Variants in TET3 observed in about 807,000 individuals in gnomAD.
The protein encoded by TET3 is tet methylcytosine dioxygenase 3, also known as methylcytosine dioxygenase TET3.
A neutral mutation model predicts 141.4 loss-of-function variants in TET3; 19 were observed. That is an observed-to-expected ratio of 0.13 (90% CI 0.09 to 0.20). TET3 has a LOEUF of 0.20. Ranked by LOEUF, TET3 falls within the 10% of genes least tolerant of loss-of-function variation. The pLI is 1.00. For synonymous variants in TET3, 1,043 were observed against 980.9 expected, an observed-to-expected ratio of 1.06 and a Z score of -1.18; for missense variants, 1,874 against 2,356.9, an observed-to-expected ratio of 0.80 and a Z score of 4.24.
intron 6 of TET3, among the ~76,000 whole-genome samples, chr2:74,083,874 T>C (rs1456339153): frequency 6.6e-6 from 1 of 152,174 alleles, no homozygotes; most frequent in African/African-American, 2.4e-5. Context: ...TGTGATTGGC[T>C]GCGTTCCCCC....
At chr2:74,045,039 AAAAC>A (rs1200427394) in intron 3 of TET3, among the ~76,000 whole-genome samples, 3 of 152,352 alleles carry the variant, frequency 2.0e-5, no homozygotes, top group Middle Eastern at 6.8e-3. Context: ...AAAGTCAAGA[AAAAC>A]AATACAGGTA....
At chr2:74,127,002 G>T in the TET3 span, among the ~76,000 whole-genome samples, 1 of 152,220 alleles carries the variant, frequency 6.6e-6, no homozygotes, top group African/African-American at 2.4e-5. Context: ...CAAGTCCAGT[G>T]TTTAATGGTG....
rs1012806538 is a variant in TET3 at position 74,093,765 on chromosome 2, C to T, written c.3267+99C>T. ...AGGCAGGCTGAGGGTAGGGAGGGAC[C>T]TGGAGACAGGATCCTCAGAACTCTG... is the stretch of plus-strand genomic sequence containing the variant. On this transcript the variant is annotated intron_variant, in intron 10 of 11. Transcript: ENST00000409262. The surrounding 1 kb of genome is among the most constrained non-coding windows in gnomAD (Gnocchi z 4.2). 4.3e-6 allele frequency: 6 copies of T among 1,392,572 alleles called. No homozygotes were observed. Among genetic ancestry groups the T allele is most frequent in the African/African-American group, 1.5e-5 (1 of 68,704 alleles). The allele number at this position is 1,392,572 out of a possible 1,614,324, so 86.3% of individuals were successfully genotyped here. A position where few individuals can be genotyped will look rare whatever the true frequency, so the allele number is the denominator to read the frequency against.
intron 3 of TET3, among the ~76,000 whole-genome samples, chr2:74,024,481 G>A (rs897633279): frequency 6.6e-6 from 1 of 152,038 alleles, no homozygotes; most frequent in Admixed American, 6.6e-5. Flanking sequence ...AGACCATCCA[G>A]GCGGCCCCCT....
Position 74,069,946 on chromosome 2 carries a change from A to G in TET3, c.2495-3603A>G, listed in dbSNP as rs188790614. ...CCTCTCCCATCCCCTAGAAGTAACC[A>G]TTCTCTTAACTTTTGTGACAATGAT... On this transcript the variant is annotated intron_variant, in intron 4 of 11. Transcript: ENST00000409262. Among the ~76,000 whole-genome samples, 9 of 152,122 alleles carry G rather than the reference A, an allele frequency of 5.9e-5. No individual in the cohort carries two copies. In the East Asian group the frequency reaches 7.7e-4, roughly 13 times the overall value.
At chr2:74,110,758 C>T (rs978771752), downstream of TET3, among the ~76,000 whole-genome samples, 11 of 152,156 alleles carry the variant, frequency 7.2e-5, no homozygotes, top group African/African-American at 2.7e-4. Context: ...GTATGTTTGT[C>T]CTCTTTACTG....
At chr2:74,007,565 A>G (rs1685210217) in intron 3 of TET3, among the ~76,000 whole-genome samples, 1 of 152,218 alleles carries the variant, frequency 6.6e-6, no homozygotes, top group Non-Finnish European at 1.5e-5. Context: ...TGGGCCCCGC[A>G]GCCCTTACTG....
chr2:74,133,699 C>T, the TET3 span, among the ~76,000 whole-genome samples: 2 of 152,238 alleles, frequency 1.3e-5, no homozygotes, highest in African/African-American at 4.8e-5. Flanking sequence ...CTGTGCCCTA[C>T]ATGATGTATT....
At position 74,101,536 on chromosome 2, in the gene TET3, G is replaced by T. The variant is rs1200166191; in HGVS notation, c.4748G>T (p.Gly1583Val). The T allele has an allele frequency of 6.2e-7, 1 of 1,610,778 alleles. No homozygotes were observed. Among genetic ancestry groups the T allele is most frequent in the Admixed American group, 1.7e-5 (1 of 59,340 alleles). ...SQLDRAWQSF[G>V]LPLGSSEKLF... is the part of the protein sequence containing the mutation. ...CTGGACAGGGCCTGGCAGTCCTTTG[G>T]TCTGCCCCTGGGATCCAGCGAGAAG... is the stretch of plus-strand genomic sequence containing the variant. Residue 1583 changes from glycine to valine, a missense_variant, in exon 12 of 12, where the codon GGT (glycine) becomes GTT (valine). Around this residue, in one of 10 missense-constraint regions of TET3, gnomAD observed 602 missense variants for 590.2 expected, o/e 1.02. Coordinates refer to ENST00000409262, the MANE Select transcript of TET3 (RefSeq NM_001287491.2). This position sits in a 1 kb window ranked among gnomAD's most constrained non-coding sequence, Gnocchi z 8.5.
intron 4 of TET3, among the ~76,000 whole-genome samples, chr2:74,051,689 C>G (rs1340553730): frequency 6.6e-6 from 1 of 152,188 alleles, no homozygotes; most frequent in East Asian, 1.9e-4. Context: ...TAGTCACCAC[C>G]TCACTTAATC....
chr2:74,033,123 A>G (rs1216666905), intron 3 of TET3, among the ~76,000 whole-genome samples: 1 of 152,204 alleles, frequency 6.6e-6, no homozygotes, highest in Non-Finnish European at 1.5e-5. Context: ...TCGTTCACAG[A>G]CATGTGTAGT....
At chr2:74,003,596 C>CGCTCCTGAGTCTGAA (rs2105149115) in intron 3 of TET3, among the ~76,000 whole-genome samples, 1 of 150,064 alleles carries the variant, frequency 6.7e-6, no homozygotes, top group African/African-American at 2.5e-5. Flanking sequence ...GGGAGAATTG[C>CGCTCCTGAGTCTGAA]GCTCCTGAGT....
At chr2:74,121,683 A>G in the TET3 span, 1 of 152,214 alleles carries the variant, frequency 6.6e-6, no homozygotes, top group Non-Finnish European at 1.5e-5. Context: ...ATCAAACCCA[A>G]TATTGGCTGC....
At chr2:74,042,271 AAC>A (rs1187349061) in intron 3 of TET3, among the ~76,000 whole-genome samples, 3 of 152,244 alleles carry the variant, frequency 2.0e-5, no homozygotes, top group African/African-American at 7.2e-5. Flanking sequence ...GTTGGCAGGT[AAC>A]ACAAGTGAGT....
chr2:74,047,314 T>G lies in TET3; in HGVS notation c.1397T>G (p.Leu466Trp), dbSNP rs1349538556. 1 of 1,613,836 alleles carries G rather than the reference T, an allele frequency of 6.2e-7. No homozygotes were observed. The highest frequency in any genetic ancestry group is 1.3e-5 in the African/African-American group (1 of 74,916). Reference sequence around the variant, plus strand: ...GATCCCATGGCTGAACTGGAGCAGTTGTTGGGCAGCGCCAGTGATTACATC... The same window carrying G: ...GATCCCATGGCTGAACTGGAGCAGTGGTTGGGCAGCGCCAGTGATTACATC... ...SPDPMAELEQ[L>W]LGSASDYIQS... The change falls in exon 4 of 12, where the codon TTG becomes TGG. Residue 466 changes from leucine (L) to tryptophan (W), a missense_variant. This residue lies in a region of TET3 where 484 missense variants were observed against 462.2 expected (regional missense o/e 1.05). Coordinates refer to ENST00000409262, the MANE Select transcript of TET3 (RefSeq NM_001287491.2).
intron 3 of TET3, among the ~76,000 whole-genome samples, chr2:74,032,854 G>A (rs1378925529): frequency 6.6e-6 from 1 of 152,162 alleles, no homozygotes; most frequent in Non-Finnish European, 1.5e-5. Flanking sequence ...GAGTTGCAGG[G>A]CTATATTTTG....
chr2:73,992,914 A>G (rs1330515761), intron 2 of TET3, among the ~76,000 whole-genome samples: 1 of 152,216 alleles, frequency 6.6e-6, no homozygotes, highest in Non-Finnish European at 1.5e-5. Flanking sequence ...AAATGAACAG[A>G]TCTAGATTTC....
intron 2 of TET3, among the ~76,000 whole-genome samples, chr2:73,991,113 G>A (rs1324785558): frequency 6.6e-6 from 1 of 151,666 alleles, no homozygotes; most frequent in Non-Finnish European, 1.5e-5. Flanking sequence ...CCGGCCCTTG[G>A]TGTTTTTTTA....
intron 5 of TET3, among the ~76,000 whole-genome samples, chr2:74,075,548 C>T (rs547368524): frequency 2.4e-4 from 37 of 151,896 alleles, no homozygotes; most frequent in Admixed American, 2.3e-3. Flanking sequence ...AGGCTGGTCT[C>T]GAACTCCTGA....
Sources: gnomAD v4.1 joint callset for allele counts (sites outside exome capture counted in the v4.1 genomes callset) on GRCh38, gnomAD v4.1.1 for gene constraint, gnomAD v4.1.1 regional missense constraint, Gnocchi (gnomAD v3.1) non-coding constraint, MANE v1.5 for transcripts, NCBI Gene and HGNC (gene_info 2026-07-23, HGNC 2026-07-21) for gene names.